OR2L13: variants seen among roughly 807,000 people sequenced by gnomAD.
OR2L13 encodes the protein olfactory receptor family 2 subfamily L member 13.
OR2L13 carries 14 observed loss-of-function variants against 15.3 expected under a neutral mutation model. The ratio of observed to expected loss-of-function variants is 0.91; its 90% CI spans 0.60 to 1.43. The LOEUF (loss-of-function observed/expected upper bound fraction) is 1.43. OR2L13 is among the 40% of genes most tolerant of loss of function. The pLI is 0.00. For synonymous variants in OR2L13, 152 were observed against 142.9 expected, an observed-to-expected ratio of 1.06 and a Z score of -0.45; for missense variants, 367 against 387.9, an observed-to-expected ratio of 0.95 and a Z score of 0.45.
At chr1:247,967,037 A>G in the OR2L13 span, among the ~76,000 whole-genome samples, 1 of 144,834 alleles carries the variant, frequency 6.9e-6, no homozygotes, top group South Asian at 2.3e-4. Flanking sequence ...ATGCAAACAC[A>G]CCACACACCA....
At chr1:247,949,038 C>T in the OR2L13 span, 2 of 1,613,918 alleles carry the variant, frequency 1.2e-6, no homozygotes, top group Admixed American at 3.3e-5. Flanking sequence ...CATGTATTTC[C>T]TACTGAGTCA....
the OR2L13 span, among the ~76,000 whole-genome samples, chr1:247,946,791 C>T: frequency 6.6e-6 from 1 of 152,144 alleles, no homozygotes; most frequent in Admixed American, 6.5e-5. Context: ...GAATTACATT[C>T]CACTTTATGT....
At chr1:248,017,506 A>C in the OR2L13 span, among the ~76,000 whole-genome samples, 411 of 152,340 alleles carry the variant, frequency 2.7e-3, 1 homozygote, top group African/African-American at 9.2e-3. Context: ...TAACAAGAGC[A>C]AGGTCTGGTA....
At chr1:247,949,910 A>C in the OR2L13 span, 3 of 697,138 alleles carry the variant, frequency 4.3e-6, no homozygotes, top group African/African-American at 5.2e-5. Context: ...CCAACGGAAG[A>C]AGAAAATCAC....
At chr1:247,942,962 G>A in the OR2L13 span, among the ~76,000 whole-genome samples, 1 of 151,264 alleles carries the variant, frequency 6.6e-6, no homozygotes, top group Non-Finnish European at 1.5e-5. Context: ...TCGTGTAGGC[G>A]AATTCATACA....
At chr1:247,980,240 G>A in the OR2L13 span, among the ~76,000 whole-genome samples, 1 of 151,976 alleles carries the variant, frequency 6.6e-6, no homozygotes, top group Non-Finnish European at 1.5e-5. Context: ...ACAGAAAATT[G>A]TTTTAAAATT....
the OR2L13 span, among the ~76,000 whole-genome samples, chr1:248,006,552 G>A: frequency 6.6e-6 from 1 of 152,108 alleles, no homozygotes; most frequent in Admixed American, 6.5e-5. Context: ...TGAACATGAA[G>A]TGAATGAGAT....
chr1:247,984,319 T>A, the OR2L13 span, among the ~76,000 whole-genome samples: 5,880 of 151,952 alleles, frequency 0.039, 352 homozygotes, highest in African/African-American at 0.13. Context: ...CCATTTAGGA[T>A]TCTGTCCTAT....
the OR2L13 span, among the ~76,000 whole-genome samples, chr1:247,978,097 T>C: frequency 6.6e-6 from 1 of 152,164 alleles, no homozygotes; most frequent in African/African-American, 2.4e-5. Flanking sequence ...ATTATAAATG[T>C]ACCAATCAGC....
At chr1:247,986,359 T>G in the OR2L13 span, among the ~76,000 whole-genome samples, 1 of 152,206 alleles carries the variant, frequency 6.6e-6, no homozygotes, top group African/African-American at 2.4e-5. Flanking sequence ...CACCATTTAT[T>G]AAATAGGGAA....
chr1:247,986,500 T>C, the OR2L13 span, among the ~76,000 whole-genome samples: 1 of 152,164 alleles, frequency 6.6e-6, no homozygotes, highest in Admixed American at 6.5e-5. Flanking sequence ...TACCATGCTG[T>C]TTTGGTTACT....
At chr1:248,092,374 AC>A (rs1159505360), upstream of OR2L13, among the ~76,000 whole-genome samples, 1 of 152,188 alleles carries the variant, frequency 6.6e-6, no homozygotes, top group African/African-American at 2.4e-5. Context: ...TGAGGCAAAA[AC>A]ATATAGGACA....
chr1:248,099,837 C>A, exon 3 of OR2L13: 1 of 1,614,064 alleles, frequency 6.2e-7, no homozygotes, highest in Non-Finnish European at 8.5e-7. Flanking sequence ...GGTCCATCAA[C>A]TCCTTGGCAC....
chr1:248,060,944 A>C, the OR2L13 span: 2 of 1,613,846 alleles, frequency 1.2e-6, no homozygotes, highest in Non-Finnish European at 1.7e-6. Context: ...CTGTCTGGTA[A>C]CAAGTCTATC....
chr1:247,983,760 G>A, the OR2L13 span, among the ~76,000 whole-genome samples: 1 of 152,182 alleles, frequency 6.6e-6, no homozygotes, highest in Non-Finnish European at 1.5e-5. Context: ...CATATCTCCT[G>A]CCACTCACGA....
upstream of OR2L13, among the ~76,000 whole-genome samples, chr1:248,090,865 G>A (rs1459138648): frequency 6.6e-6 from 1 of 152,184 alleles, no homozygotes; most frequent in Non-Finnish European, 1.5e-5. Context: ...TCACAAAGCT[G>A]CTTTCCACAA....
the OR2L13 span, among the ~76,000 whole-genome samples, chr1:248,052,495 G>C: frequency 1.1e-4 from 16 of 152,194 alleles, no homozygotes; most frequent in East Asian, 2.3e-3. Flanking sequence ...TTGGGAGGCC[G>C]AGCCGGGCAG....
At chr1:247,978,432 A>G in the OR2L13 span, among the ~76,000 whole-genome samples, 1 of 152,312 alleles carries the variant, frequency 6.6e-6, no homozygotes, top group East Asian at 1.9e-4. Context: ...AAGATTTGGC[A>G]TAATGGTTAT....
chr1:248,073,002 A>G, the OR2L13 span, among the ~76,000 whole-genome samples: 1 of 40,084 alleles, frequency 2.5e-5, no homozygotes, highest in African/African-American at 3.6e-5. Flanking sequence ...ATGTGGAGAA[A>G]TAGGAACACT....
Sources: allele counts gnomAD v4.1 joint callset (sites outside exome capture counted in the v4.1 genomes callset), GRCh38; gene constraint gnomAD v4.1.1; transcripts MANE v1.5; gene names NCBI Gene and HGNC (gene_info 2026-07-23, HGNC 2026-07-21).